Variants in PRDM16 observed in about 807,000 individuals in gnomAD.
PRDM16 encodes the protein PR/SET domain 16, also known as histone-lysine N-methyltransferase PRDM16.
In PRDM16, 23 loss-of-function variants were observed where a neutral mutation model predicts 110.6. The ratio of observed to expected loss-of-function variants is 0.21; its 90% CI spans 0.15 to 0.29. PRDM16 has a LOEUF of 0.29. PRDM16 is among the 10% of genes least tolerant of loss of function. The pLI, the probability that PRDM16 is intolerant of heterozygous loss-of-function variation, is 1.00. For missense variants in PRDM16, 1,615 were observed against 1,794.3 expected (o/e 0.90, Z 1.81); for synonymous variants, 799 against 781.8 (o/e 1.02, Z -0.37).
At chr1:3,391,921 AG>A (rs1303956467) in intron 4 of PRDM16, among the ~76,000 whole-genome samples, 3 of 152,256 alleles carry the variant, frequency 2.0e-5, no homozygotes, top group African/African-American at 7.2e-5. Flanking sequence ...GCTGGCGCTT[AG>A]GGCATCATCA....
intron 3 of PRDM16, among the ~76,000 whole-genome samples, chr1:3,270,353 CCCGGAGGAGGACAGT>C (rs1640413765): frequency 1.5e-5 from 2 of 136,166 alleles, no homozygotes; most frequent in African/African-American, 6.4e-5. Flanking sequence ...AGAGGACAGT[CCCGGAGGAGGACAGT>C]CAGGAGGAGG....
At chr1:3,164,005 T>C (rs1299646256) in intron 1 of PRDM16, among the ~76,000 whole-genome samples, 2 of 152,226 alleles carry the variant, frequency 1.3e-5, no homozygotes, top group African/African-American at 4.8e-5. Context: ...ACCAAGGCCC[T>C]GCTGGAATGT....
chr1:3,349,911 A>C (rs1214737512), intron 3 of PRDM16, among the ~76,000 whole-genome samples: 3 of 152,152 alleles, frequency 2.0e-5, no homozygotes, highest in Non-Finnish European at 4.4e-5. Context: ...TCTGCCGTGA[A>C]TGTTTAGCTC....
rs541767464 is a variant in PRDM16, at chr1:3,154,051, C to A, written c.38-32074C>A. On this transcript the variant is annotated intron_variant, in intron 1 of 16. Coordinates refer to ENST00000270722, the MANE Select transcript of PRDM16 (RefSeq NM_022114.4). ...AGCCCAGGGACGGCGCTCCCCTTCCCGTGCACTCTCCCAATCTGCGGCCCT... is the reference window on the plus strand; with the variant it reads ...AGCCCAGGGACGGCGCTCCCCTTCCAGTGCACTCTCCCAATCTGCGGCCCT... 1.6e-3 allele frequency among the ~76,000 whole-genome samples: 248 copies of A among 152,322 alleles called. 2 individuals carry two copies. Among genetic ancestry groups the A allele is most frequent in the African/African-American group, 5.8e-3 (242 of 41,578 alleles).
At chr1:3,123,147 GGCCCAAGCCTTCGGC>G (rs1331342533) in intron 1 of PRDM16, among the ~76,000 whole-genome samples, 1 of 152,240 alleles carries the variant, frequency 6.6e-6, no homozygotes, top group African/African-American at 2.4e-5. Context: ...TGGGACAGCA[GGCCCAAGCCTTCGGC>G]GCTCCCCTCT....
At chr1:3,215,962 A>G (rs974744593) in intron 2 of PRDM16, among the ~76,000 whole-genome samples, 2 of 152,370 alleles carry the variant, frequency 1.3e-5, no homozygotes. Context: ...AAAAGAATCA[A>G]GGGAGAAAAA....
chr1:3,213,034 A>C lies in PRDM16; in HGVS notation c.387+26560A>C, dbSNP rs1638934335. On this transcript the variant is annotated intron_variant, in intron 2 of 16. Transcript: ENST00000270722. The surrounding 1 kb of genome is among the most constrained non-coding windows in gnomAD (Gnocchi z 5.3). ...TGGCCACGAAACAGGTCTCACCCAG[A>C]AAGGAAAGCGGGGTCGGCTCGCCCG... Among the ~76,000 whole-genome samples, 1 of 152,224 alleles carries C rather than the reference A, an allele frequency of 6.6e-6. No individual in the cohort carries two copies. The highest frequency in any genetic ancestry group is 2.4e-5 in the African/African-American group (1 of 41,464).
intron 1 of PRDM16, among the ~76,000 whole-genome samples, chr1:3,155,948 A>G (rs928965797): frequency 1.1e-4 from 17 of 152,336 alleles, no homozygotes; most frequent in African/African-American, 3.8e-4. Context: ...ACACATTGCT[A>G]AAATATTGTC....
intron 3 of PRDM16, among the ~76,000 whole-genome samples, chr1:3,291,888 C>T (rs750276464): frequency 9.2e-5 from 14 of 152,230 alleles, no homozygotes; most frequent in Non-Finnish European, 1.3e-4. Context: ...TCCCACTGCT[C>T]GAGACCAACC....
At chr1:3,248,769 G>A (rs777166063) in intron 3 of PRDM16, among the ~76,000 whole-genome samples, 17 of 152,236 alleles carry the variant, frequency 1.1e-4, no homozygotes, top group Non-Finnish European at 2.1e-4. Flanking sequence ...ACGATAATTT[G>A]TGAAATGATT....
intron 1 of PRDM16, among the ~76,000 whole-genome samples, chr1:3,123,977 G>A (rs931921535): frequency 3.9e-5 from 6 of 152,228 alleles, no homozygotes; most frequent in African/African-American, 1.4e-4. Flanking sequence ...CGCACCCCAC[G>A]CCGTATGGTG....
chr1:3,430,048 T>C (rs1035643721), intron 14 of PRDM16, among the ~76,000 whole-genome samples: 10 of 152,166 alleles, frequency 6.6e-5, no homozygotes, highest in African/African-American at 9.6e-5. Flanking sequence ...CTGCGTGCCC[T>C]GCCCTTTGCT....
intron 1 of PRDM16, among the ~76,000 whole-genome samples, chr1:3,166,879 C>T (rs1332952065): frequency 6.6e-6 from 1 of 152,046 alleles, no homozygotes; most frequent in African/African-American, 2.4e-5. Flanking sequence ...ATTGCTCTGT[C>T]CTCACGGCGG....
At position 3,433,723 on chromosome 1, in the gene PRDM16, C is replaced by G. The variant is rs759077270; in HGVS notation, c.3743C>G (p.Thr1248Ser). 8 of 1,613,904 alleles carry G rather than the reference C, an allele frequency of 5.0e-6. No individual in the cohort carries two copies. The highest frequency in any genetic ancestry group is 6.8e-6 in the Non-Finnish European group (8 of 1,179,938). Residue 1248 changes from threonine (T) to serine (S), a missense_variant, in exon 17 of 17, where the codon ACC (threonine) becomes AGC (serine). Physicochemically the swap from Thr to Ser is moderately conservative, Grantham distance 58. Transcript: ENST00000270722. ...LSLSEDTPLH[T>S]PSQGSLDAWL... ...CTTTCCGAAGACACTCCTCTCCACA[C>G]CCCCTCCCAGGGTTCTCTGGACGCT...
chr1:3,164,109 G>A (rs1001477161), intron 1 of PRDM16, among the ~76,000 whole-genome samples: 5 of 152,342 alleles, frequency 3.3e-5, no homozygotes, highest in South Asian at 4.1e-4. Flanking sequence ...AGCCTGTGTC[G>A]TCCATCAACT....
intron 8 of PRDM16, among the ~76,000 whole-genome samples, chr1:3,408,941 AGAGT>A (rs1473439367): frequency 7.1e-4 from 90 of 126,436 alleles, no homozygotes; most frequent in African/African-American, 2.7e-3. Context: ...GGCACGCATG[AGAGT>A]GAGGGGCGTG....
rs1403338365 is a variant in PRDM16, at chr1:3,076,115, G to A, written c.37+6819G>A. On this transcript the variant is annotated intron_variant, in intron 1 of 16. Transcript: ENST00000270722. ...TGCTGTGAGGGAACCCACCAGCCCC[G>A]CGCTCCTCTCAGGATAACAGGCTTC... Among the ~76,000 whole-genome samples the A allele has an allele frequency of 2.0e-5, 3 of 152,208 alleles. 1 individual carries two copies. The highest frequency in any genetic ancestry group is 1.3e-4 in the Admixed American group (2 of 15,290).
Position 3,186,240 on chromosome 1 carries a change from G to A in PRDM16, c.153G>A (p.Pro51=), listed in dbSNP as rs1266307612. 24 of 1,612,222 alleles carry A rather than the reference G, an allele frequency of 1.5e-5. No homozygotes were observed. The highest frequency in any genetic ancestry group is 1.6e-4 in the Middle Eastern group (1 of 6,074). ...SAMSPIPVGP[P]SPFPTSEDFT... is the part of the protein sequence containing the mutation. ...TGTCGCCCATCCCCGTGGGGCCACC[G>A]TCCCCCTTCCCCACCAGCGAGGACT... Residue 51 remains proline (P), a synonymous_variant, in exon 2 of 17, where the codon CCG becomes CCA. Coordinates refer to ENST00000270722, the MANE Select transcript of PRDM16 (RefSeq NM_022114.4).
intron 3 of PRDM16, among the ~76,000 whole-genome samples, chr1:3,281,195 A>G (rs1183337095): frequency 6.6e-6 from 1 of 152,210 alleles, no homozygotes; most frequent in African/African-American, 2.4e-5. Flanking sequence ...AAACGTTGCC[A>G]TCTGCCTTGC....
Sources: gnomAD v4.1 joint callset for allele counts (sites outside exome capture counted in the v4.1 genomes callset) on GRCh38, gnomAD v4.1.1 for gene constraint, Gnocchi (gnomAD v3.1) non-coding constraint, MANE v1.5 for transcripts, NCBI Gene and HGNC (gene_info 2026-07-23, HGNC 2026-07-21) for gene names.